Variants in STRN observed in about 807,000 individuals in gnomAD.
The protein encoded by STRN is striatin.
A neutral mutation model predicts 96.3 loss-of-function variants in STRN; 53 were observed. That is an observed-to-expected ratio of 0.55 (90% CI 0.44 to 0.69). The LOEUF is 0.69. Among genes scored for constraint, STRN ranks in the 30% least tolerant of loss-of-function variants. STRN has a pLI of 0.00. For missense variants in STRN, 987 were observed against 963.9 expected (o/e 1.02, Z -0.32); for synonymous variants, 428 against 355.9 (o/e 1.20, Z -2.28).
At chr2:36,958,295 A>G (rs1462395605) in intron 1 of STRN, among the ~76,000 whole-genome samples, 2 of 152,168 alleles carry the variant, frequency 1.3e-5, no homozygotes, top group Non-Finnish European at 2.9e-5. Flanking sequence ...GTCGTCATGA[A>G]CAAGAACCAG....
intron 10 of STRN, among the ~76,000 whole-genome samples, chr2:36,872,754 G>A (rs976084929): frequency 6.6e-6 from 1 of 152,060 alleles, no homozygotes; most frequent in African/African-American, 2.4e-5. Context: ...AGAATAGAGG[G>A]AACAAAAGTA....
intron 13 of STRN, among the ~76,000 whole-genome samples, chr2:36,858,376 A>T (rs1007801003): frequency 6.6e-5 from 10 of 151,874 alleles, no homozygotes; most frequent in Admixed American, 6.6e-4. Flanking sequence ...CACAACTCAC[A>T]CTCCCTGAGG....
At chr2:36,891,792 C>T (rs542735375) in intron 7 of STRN, among the ~76,000 whole-genome samples, 17 of 152,130 alleles carry the variant, frequency 1.1e-4, no homozygotes, top group Non-Finnish European at 2.5e-4. Flanking sequence ...AAACCTTTTC[C>T]TTGAACTTAT....
At chr2:36,963,167 T>C (rs950933109) in intron 1 of STRN, among the ~76,000 whole-genome samples, 9 of 152,166 alleles carry the variant, frequency 5.9e-5, no homozygotes, top group Non-Finnish European at 1.2e-4. Context: ...AACGTGGCCC[T>C]TTCCTTACTC....
chr2:36,874,724 A>C (rs1668855803), intron 10 of STRN, among the ~76,000 whole-genome samples: 2 of 148,068 alleles, frequency 1.4e-5, no homozygotes, highest in Non-Finnish European at 3.0e-5. Flanking sequence ...AGTTAAAAAA[A>C]AAAAAAAAAA....
chr2:36,876,232 C>A (rs1158640757), intron 10 of STRN, among the ~76,000 whole-genome samples: 2 of 150,072 alleles, frequency 1.3e-5, no homozygotes, highest in East Asian at 3.9e-4. Flanking sequence ...GATCAAGCCA[C>A]TGCACTCCAG....
In STRN at chr2:36,840,646, AAGGCACC is replaced by A. The variant is rs1558614273; in HGVS notation, c.*8803_*8809del. On this transcript the variant is annotated 3_prime_UTR_variant, in exon 18 of 18. Coordinates refer to ENST00000263918, the MANE Select transcript of STRN (RefSeq NM_003162.4). ...ATTTATAGGGTACCTTTTATATGGCAAGGCACCAGGCACAGTGCTAAGAGGAACATAA... is the reference window on the plus strand; with the variant it reads ...ATTTATAGGGTACCTTTTATATGGCAAGGCACAGTGCTAAGAGGAACATAA... 2.0e-5 allele frequency: 3 copies of A among 151,914 alleles called. No individual in the cohort carries two copies. The highest frequency in any genetic ancestry group is 4.4e-5 in the Non-Finnish European group (3 of 68,004). The allele number at this position is 151,914 out of a possible 1,614,324, so 9.4% of individuals were successfully genotyped here.
intron 10 of STRN, among the ~76,000 whole-genome samples, chr2:36,870,514 C>G (rs1389568802): frequency 6.6e-6 from 1 of 151,958 alleles, no homozygotes; most frequent in Non-Finnish European, 1.5e-5. Flanking sequence ...GATGCTGGTC[C>G]CATAAAATTA....
chr2:36,889,009 T>C (rs1669316541), intron 7 of STRN, among the ~76,000 whole-genome samples: 1 of 152,136 alleles, frequency 6.6e-6, no homozygotes. Context: ...AATTGTAACC[T>C]GCCTTCTCTA....
chr2:36,902,617 G>C lies in STRN; in HGVS notation c.626C>G (p.Thr209Arg), dbSNP rs762697623. Residue 209 changes from threonine (T) to arginine (R), a missense_variant, in exon 5 of 18, where the codon ACA (threonine) becomes AGA (arginine). By Grantham distance (71) the Thr-to-Arg change is moderately conservative. Coordinates refer to ENST00000263918, the MANE Select transcript of STRN (RefSeq NM_003162.4). ...TGCTGTCTCTTTAACTTCAGCCTCT[G>C]TGCCATTTACAACTGAGTCCTGATT... ...DKNQDSVVNG[T>R]EAEVKETAMI... 1 of 1,609,980 alleles carries C rather than the reference G, an allele frequency of 6.2e-7. No homozygotes were observed. Among genetic ancestry groups the C allele is most frequent in the African/African-American group, 1.3e-5 (1 of 74,956 alleles).
intron 5 of STRN, among the ~76,000 whole-genome samples, 170 bp from the exon 6 acceptor site, chr2:36,899,828 C>T (rs1034345199): frequency 1.3e-5 from 2 of 152,168 alleles, no homozygotes; most frequent in African/African-American, 4.8e-5. Context: ...AAAAGCAATA[C>T]AAGAAGTGGA....
chr2:36,897,821 T>C (rs1669585265), intron 6 of STRN, among the ~76,000 whole-genome samples: 1 of 152,112 alleles, frequency 6.6e-6, no homozygotes, highest in Non-Finnish European at 1.5e-5. Context: ...TCCTCCTTCC[T>C]CAGCCTCCCA....
chr2:36,929,115 T>C (rs1670500563), intron 1 of STRN, among the ~76,000 whole-genome samples: 1 of 152,184 alleles, frequency 6.6e-6, no homozygotes, highest in South Asian at 2.1e-4. Context: ...TGATACTTTA[T>C]ACGTATTTTT....
At chr2:36,939,199 A>G (rs1670780405) in intron 1 of STRN, among the ~76,000 whole-genome samples, 1 of 151,976 alleles carries the variant, frequency 6.6e-6, no homozygotes, top group Non-Finnish European at 1.5e-5. Context: ...CCAAAGTGCT[A>G]GGATTACAGG....
chr2:36,861,046 C>T, intron 13 of STRN, 86 bp downstream of exon 13: 1 of 1,481,156 alleles, frequency 6.8e-7, no homozygotes, highest in Non-Finnish European at 9.1e-7. Context: ...TTTCAAAAAT[C>T]TCTTTATCTC....
At chr2:36,966,088 G>T (rs897344294) in intron 1 of STRN, 142 bp downstream of exon 1, 23 of 951,574 alleles carry the variant, frequency 2.4e-5, no homozygotes, top group Non-Finnish European at 5.8e-6. Context: ...AAGAGAAGAA[G>T]GGGACGGGGC....
intron 1 of STRN, among the ~76,000 whole-genome samples, chr2:36,932,080 A>C (rs947325872): frequency 1.1e-4 from 16 of 152,184 alleles, no homozygotes; most frequent in African/African-American, 3.9e-4. Context: ...TTGGCCTCCC[A>C]AAGTGCTGGA....
At chr2:36,933,581 T>C (rs1474496508) in intron 1 of STRN, among the ~76,000 whole-genome samples, 1 of 152,164 alleles carries the variant, frequency 6.6e-6, no homozygotes, top group African/African-American at 2.4e-5. Context: ...AGAGGCCCAA[T>C]GTAGGGGCTA....
intron 10 of STRN, among the ~76,000 whole-genome samples, chr2:36,877,098 C>T (rs1397088874): frequency 6.6e-6 from 1 of 152,086 alleles, no homozygotes; most frequent in Non-Finnish European, 1.5e-5. Context: ...TAAATGTATG[C>T]CCAAAGGTAC....
Sources: gnomAD v4.1 joint callset for allele counts (sites outside exome capture counted in the v4.1 genomes callset) on GRCh38, gnomAD v4.1.1 for gene constraint, MANE v1.5 for transcripts, NCBI Gene and HGNC (gene_info 2026-07-23, HGNC 2026-07-21) for gene names.